Variants in RGS7 observed in about 807,000 individuals in gnomAD.
RGS7 encodes regulator of G-protein signaling 7.
RGS7 carries 27 observed loss-of-function variants against 81.1 expected under a neutral mutation model. The observed-to-expected ratio is 0.33, with a 90% confidence interval of 0.25 to 0.46. The LOEUF is 0.46. Ranked by LOEUF, RGS7 falls within the 20% of genes least tolerant of loss-of-function variation. The probability of loss-of-function intolerance (pLI) is 1.00; values close to 1 mark genes in which losing one functional copy is unlikely to be tolerated. For missense variants in RGS7, 396 were observed against 607.4 expected (o/e 0.65, Z 3.66); for synonymous variants, 208 against 207.7 (o/e 1.00, Z -0.01).
intron 4 of RGS7, among the ~76,000 whole-genome samples, chr1:240,953,713 T>A (rs1449137967): frequency 6.6e-6 from 1 of 151,866 alleles, no homozygotes; most frequent in Non-Finnish European, 1.5e-5. Flanking sequence ...AAGAGCAATT[T>A]AAACCTAGAG....
At chr1:241,158,039 C>T (rs1413419408) in intron 2 of RGS7, among the ~76,000 whole-genome samples, 2 of 151,562 alleles carry the variant, frequency 1.3e-5, no homozygotes, top group Non-Finnish European at 2.9e-5. Flanking sequence ...CCAGGATGGT[C>T]TCATCTCCTG....
At chr1:240,803,130 T>A in intron 15 of RGS7, 137 bp from the exon 16 acceptor site, 1 of 681,884 alleles carries the variant, frequency 1.5e-6, no homozygotes, top group Non-Finnish European at 2.7e-6. Flanking sequence ...GAATACCTTC[T>A]ATTTACAGGA....
chr1:241,310,273 G>A (rs772131092), intron 2 of RGS7, among the ~76,000 whole-genome samples: 1 of 152,178 alleles, frequency 6.6e-6, no homozygotes, highest in Non-Finnish European at 1.5e-5. Context: ...GTAGCACCCT[G>A]TCTTCTAATG....
At chr1:241,243,999 G>T (rs954495171) in intron 2 of RGS7, among the ~76,000 whole-genome samples, 1 of 152,172 alleles carries the variant, frequency 6.6e-6, no homozygotes, top group African/African-American at 2.4e-5. Flanking sequence ...TGACAAAAAA[G>T]AGATCCTTTC....
chr1:241,297,615 C>T (rs2079504785), intron 2 of RGS7, among the ~76,000 whole-genome samples: 4 of 152,130 alleles, frequency 2.6e-5, no homozygotes, highest in Admixed American at 6.5e-5. Flanking sequence ...GTGTAATTGG[C>T]CAATGCTCGG....
At chr1:241,066,082 T>A (rs764608252) in intron 3 of RGS7, among the ~76,000 whole-genome samples, 1 of 152,208 alleles carries the variant, frequency 6.6e-6, no homozygotes, top group South Asian at 2.1e-4. Context: ...ATCTTATAAA[T>A]GAATAATGGA....
At chr1:240,960,249 T>C (rs1389012602) in intron 4 of RGS7, among the ~76,000 whole-genome samples, 1 of 114,496 alleles carries the variant, frequency 8.7e-6, no homozygotes, top group Non-Finnish European at 1.9e-5. Context: ...TTGTTGTTGT[T>C]GGGGTTTTTT....
chr1:240,839,368 C>T (rs1489640811), intron 9 of RGS7, among the ~76,000 whole-genome samples: 1 of 152,106 alleles, frequency 6.6e-6, no homozygotes, highest in Non-Finnish European at 1.5e-5. Flanking sequence ...ACAGCTACTT[C>T]GGTTAAGACT....
At chr1:240,793,883 A>G (rs964107493) in intron 18 of RGS7, among the ~76,000 whole-genome samples, 3 of 151,972 alleles carry the variant, frequency 2.0e-5, no homozygotes, top group Admixed American at 6.6e-5. Context: ...AAGTGCTGGG[A>G]TTACAGGCGT....
At chr1:240,801,205 T>A (rs1472572155) in intron 17 of RGS7, among the ~76,000 whole-genome samples, 2 of 152,130 alleles carry the variant, frequency 1.3e-5, no homozygotes, top group African/African-American at 2.4e-5. Context: ...CTTTTATATG[T>A]TGTAATATAA....
chr1:241,251,478 C>T (rs574574453), intron 2 of RGS7, among the ~76,000 whole-genome samples: 14 of 152,008 alleles, frequency 9.2e-5, no homozygotes, highest in African/African-American at 2.4e-4. Context: ...CAGTTAAGTG[C>T]TTTGGATTTT....
At chr1:241,234,068 A>C (rs186592471) in intron 2 of RGS7, among the ~76,000 whole-genome samples, 1 of 152,300 alleles carries the variant, frequency 6.6e-6, no homozygotes, top group East Asian at 1.9e-4. Flanking sequence ...CTCAAGTCTC[A>C]GTTTATGCAT....
intron 2 of RGS7, among the ~76,000 whole-genome samples, chr1:241,139,186 TTCTTC>T (rs1411747791): frequency 7.1e-6 from 1 of 140,814 alleles, no homozygotes; most frequent in Non-Finnish European, 1.6e-5. Context: ...TCTCCCTCCC[TTCTTC>T]TCTCTTTCCT....
At chr1:241,279,010 T>C (rs967519329) in intron 2 of RGS7, among the ~76,000 whole-genome samples, 3 of 152,152 alleles carry the variant, frequency 2.0e-5, no homozygotes, top group African/African-American at 7.2e-5. Context: ...CTTCCAACCA[T>C]ATACACACCT....
At chr1:241,046,888 A>G (rs547534540) in intron 3 of RGS7, among the ~76,000 whole-genome samples, 2 of 152,216 alleles carry the variant, frequency 1.3e-5, no homozygotes, top group African/African-American at 2.4e-5. Flanking sequence ...TGCAATTTCA[A>G]TTCATAAATG....
At chr1:241,100,644 T>C (rs997296364) in intron 2 of RGS7, among the ~76,000 whole-genome samples, 19 of 152,176 alleles carry the variant, frequency 1.2e-4, no homozygotes, top group Non-Finnish European at 2.5e-4. Flanking sequence ...TTCTGATCCA[T>C]AAAATGGTGA....
In RGS7 at chr1:240,816,349, T is replaced by C; in HGVS notation, c.751A>G (p.Lys251Glu). 6.2e-7 allele frequency: 1 copy of C among 1,612,424 alleles called. No individual in the cohort carries two copies. Among genetic ancestry groups the C allele is most frequent in the Non-Finnish European group, 8.5e-7 (1 of 1,178,516 alleles). Residue 251 changes from lysine (K) to glutamate (E), a missense_variant, in exon 11 of 19, where the codon AAA becomes GAA. Lys to Glu is a moderately conservative substitution (Grantham distance 56). Transcript: ENST00000440928. ...TGTAACTCATCTTCTGTTGGAGGTT[T>C]AGTTTCTGGTGTGGGTGTGTGGGTA... ...SPTHTPTPETKPPTEDELQQQ... is the reference protein window; with the variant it reads ...SPTHTPTPETEPPTEDELQQQ...
At chr1:241,095,931 T>C (rs1348478189) in intron 3 of RGS7, among the ~76,000 whole-genome samples, 1 of 152,226 alleles carries the variant, frequency 6.6e-6, no homozygotes, top group Non-Finnish European at 1.5e-5. Context: ...GTGATTCTGA[T>C]ACTAATGGTC....
intron 2 of RGS7, among the ~76,000 whole-genome samples, chr1:241,134,622 T>C (rs1012545559): frequency 1.3e-5 from 2 of 152,120 alleles, no homozygotes; most frequent in African/African-American, 4.8e-5. Context: ...GTCACTCTTG[T>C]TGTTTATAAA....
Sources: gnomAD v4.1 joint callset for allele counts (sites outside exome capture counted in the v4.1 genomes callset) on GRCh38, gnomAD v4.1.1 for gene constraint, MANE v1.5 for transcripts, NCBI Gene and HGNC (gene_info 2026-07-23, HGNC 2026-07-21) for gene names.